Variants in HSD17B12 observed in about 807,000 individuals in gnomAD.
HSD17B12 encodes very-long-chain 3-oxoacyl-CoA reductase.
HSD17B12 carries 32 observed loss-of-function variants against 39.3 expected under a neutral mutation model. The ratio of observed to expected loss-of-function variants is 0.81; its 90% confidence interval spans 0.61 to 1.09. HSD17B12 has a LOEUF of 1.09. Ranked by LOEUF, HSD17B12 falls within the 50% of genes least tolerant of loss-of-function variation. HSD17B12 has a pLI of 0.00. For missense variants in HSD17B12, 342 were observed against 382.9 expected (o/e 0.89, Z 0.89); for synonymous variants, 150 against 146.7 (o/e 1.02, Z -0.16).
At chr11:43,584,307 T>A in the HSD17B12 span, among the ~76,000 whole-genome samples, 1 of 152,282 alleles carries the variant, frequency 6.6e-6, no homozygotes, top group South Asian at 2.1e-4. Context: ...CTTGCTATGA[T>A]CTCAGACCAG....
the HSD17B12 span, among the ~76,000 whole-genome samples, chr11:43,662,667 A>G: frequency 1.3e-5 from 2 of 152,214 alleles, no homozygotes; most frequent in Non-Finnish European, 2.9e-5. Flanking sequence ...GCATGGATTC[A>G]CAATACATTC....
intron 6 of HSD17B12, among the ~76,000 whole-genome samples, chr11:43,819,740 TG>T (rs1470976521): frequency 6.6e-6 from 1 of 152,202 alleles, no homozygotes; most frequent in Admixed American, 6.5e-5. Flanking sequence ...TGATGGTAAG[TG>T]TCATTGGCAG....
At chr11:43,665,095 A>G in the HSD17B12 span, among the ~76,000 whole-genome samples, 2 of 152,206 alleles carry the variant, frequency 1.3e-5, no homozygotes, top group African/African-American at 2.4e-5. Context: ...GTAATACATA[A>G]TATATTAATA....
chr11:43,751,600 A>G (rs930158928), intron 2 of HSD17B12, among the ~76,000 whole-genome samples: 1 of 152,184 alleles, frequency 6.6e-6, no homozygotes, highest in Non-Finnish European at 1.5e-5. Context: ...TGGATCTTCT[A>G]TTTATCATTC....
chr11:43,762,197 C>T (rs1479545498), intron 3 of HSD17B12, among the ~76,000 whole-genome samples: 2 of 152,046 alleles, frequency 1.3e-5, no homozygotes, highest in African/African-American at 2.4e-5. Context: ...GACGTTTTCT[C>T]AAAATATTAA....
chr11:43,805,900 G>T (rs758050540), intron 4 of HSD17B12, among the ~76,000 whole-genome samples: 1 of 152,036 alleles, frequency 6.6e-6, no homozygotes, highest in Non-Finnish European at 1.5e-5. Flanking sequence ...TGACACCCTC[G>T]GGTTCAATAA....
chr11:43,572,211 G>T, the HSD17B12 span, among the ~76,000 whole-genome samples: 1 of 152,152 alleles, frequency 6.6e-6, no homozygotes, highest in Non-Finnish European at 1.5e-5. Context: ...ACCACAAACT[G>T]GTTGGTTTCA....
intron 3 of HSD17B12, among the ~76,000 whole-genome samples, chr11:43,761,402 T>A (rs909934589): frequency 6.6e-5 from 10 of 152,250 alleles, no homozygotes; most frequent in African/African-American, 2.4e-4. Context: ...ATTTTCTATA[T>A]AATTAACATC....
chr11:43,806,938 A>G (rs1056179870), intron 4 of HSD17B12, among the ~76,000 whole-genome samples: 3 of 152,234 alleles, frequency 2.0e-5, no homozygotes, highest in African/African-American at 7.2e-5. Flanking sequence ...GAAAACTTGT[A>G]CATTTAATAT....
chr11:43,698,708 G>A (rs1000878898), intron 1 of HSD17B12, among the ~76,000 whole-genome samples: 9 of 152,182 alleles, frequency 5.9e-5, no homozygotes, highest in South Asian at 4.1e-4. Flanking sequence ...CTTTGGAAGC[G>A]TGGTAGAAAG....
the HSD17B12 span, among the ~76,000 whole-genome samples, chr11:43,642,490 A>C: frequency 4.0e-5 from 6 of 151,838 alleles, no homozygotes; most frequent in African/African-American, 1.4e-4. Context: ...ATATAATCTT[A>C]TAGTACTGAG....
chr11:43,587,221 T>C, the HSD17B12 span, among the ~76,000 whole-genome samples: 3 of 152,174 alleles, frequency 2.0e-5, no homozygotes, highest in Non-Finnish European at 4.4e-5. Flanking sequence ...TTCTGCACTA[T>C]GTATCAGGCC....
intron 4 of HSD17B12, among the ~76,000 whole-genome samples, chr11:43,801,550 G>C (rs1028975258): frequency 2.3e-5 from 3 of 132,736 alleles, no homozygotes; most frequent in African/African-American, 8.3e-5. Flanking sequence ...GAAATCTGGG[G>C]CTCCTCTAAG....
the HSD17B12 span, among the ~76,000 whole-genome samples, chr11:43,575,766 A>C: frequency 6.6e-6 from 1 of 152,122 alleles, no homozygotes; most frequent in Admixed American, 6.5e-5. This position sits in a 1 kb window ranked among gnomAD's most constrained non-coding sequence, Gnocchi z 4.1. Context: ...GGCAAAGGAG[A>C]CTCAAGGCGG....
chr11:43,854,663 G>A lies in HSD17B12; in HGVS notation c.685-52G>A, dbSNP rs1459854323. 2.5e-6 allele frequency: 4 copies of A among 1,591,848 alleles called. No individual in the cohort carries two copies. In the African/African-American group the frequency reaches 5.4e-5, roughly 21 times the overall value. On this transcript the variant is annotated intron_variant, in intron 9 of 10. Coordinates refer to ENST00000278353, the MANE Select transcript of HSD17B12 (RefSeq NM_016142.3). Reference sequence around the variant, plus strand: ...AAGCACCACTGTACATTCTGAGTTTGTGGCCTTACTAATCAATGGCATGTT... The same window carrying A: ...AAGCACCACTGTACATTCTGAGTTTATGGCCTTACTAATCAATGGCATGTT...
chr11:43,723,451 T>C (rs1950192813), intron 1 of HSD17B12, among the ~76,000 whole-genome samples: 1 of 152,234 alleles, frequency 6.6e-6, no homozygotes, highest in Non-Finnish European at 1.5e-5. Flanking sequence ...ATTCCTATTT[T>C]AGGATATTAT....
At chr11:43,761,749 G>GGGCTTCTCACAT (rs1432027653) in intron 3 of HSD17B12, among the ~76,000 whole-genome samples, 1 of 152,206 alleles carries the variant, frequency 6.6e-6, no homozygotes, top group African/African-American at 2.4e-5. Flanking sequence ...AGCCATATCA[G>GGGCTTCTCACAT]GGTAACTGGA....
At chr11:43,623,800 T>G in the HSD17B12 span, among the ~76,000 whole-genome samples, 1 of 152,028 alleles carries the variant, frequency 6.6e-6, no homozygotes, top group Admixed American at 6.6e-5. Context: ...TTTGAAAATA[T>G]GTATGCATAG....
the HSD17B12 span, among the ~76,000 whole-genome samples, chr11:43,564,080 GAA>G: frequency 6.6e-6 from 1 of 152,078 alleles, no homozygotes; most frequent in Non-Finnish European, 1.5e-5. Flanking sequence ...CTCCTAGACT[GAA>G]GTGATCCTCC....
Sources: gnomAD v4.1 joint callset for allele counts (sites outside exome capture counted in the v4.1 genomes callset) on GRCh38, gnomAD v4.1.1 for gene constraint, Gnocchi (gnomAD v3.1) non-coding constraint, MANE v1.5 for transcripts, NCBI Gene and HGNC (gene_info 2026-07-23, HGNC 2026-07-21) for gene names.